GLUD1: variants seen among roughly 807,000 people sequenced by gnomAD.
GLUD1 encodes the protein glutamate dehydrogenase 1.
In GLUD1, 22 loss-of-function variants were observed where a neutral mutation model predicts 56.0. The observed-to-expected ratio is 0.39, with a 90% CI of 0.28 to 0.56. The LOEUF is 0.56. Ranked by LOEUF, GLUD1 falls within the 20% of genes least tolerant of loss-of-function variation. GLUD1 has a pLI of 0.58. For missense variants in GLUD1, 451 were observed against 732.0 expected, an observed-to-expected ratio of 0.62 and a Z score of 4.43; for synonymous variants, 223 against 269.9, an observed-to-expected ratio of 0.83 and a Z score of 1.70.
At chr10:87,074,685 T>C in intron 3 of GLUD1, 71 bp from the exon 4 acceptor site, 1 of 848,618 alleles carries the variant, frequency 1.2e-6, no homozygotes, top group Non-Finnish European at 2.1e-6. Flanking sequence ...AGCTAGCATC[T>C]TATTTTCTAT....
chr10:87,081,209 C>G (rs1285039827), intron 1 of GLUD1, among the ~76,000 whole-genome samples: 3 of 148,018 alleles, frequency 2.0e-5, no homozygotes, highest in African/African-American at 7.5e-5. Context: ...GGGTCAGCCC[C>G]CCGCCCGGCC....
chr10:87,083,219 T>TAAAA (rs11431413), intron 1 of GLUD1, among the ~76,000 whole-genome samples: 2 of 134,596 alleles, frequency 1.5e-5, no homozygotes, highest in Admixed American at 7.3e-5. Flanking sequence ...TCAAAAAAAT[T>TAAAA]AAAAAAAAAA....
intron 4 of GLUD1, among the ~76,000 whole-genome samples, chr10:87,071,939 G>C (rs1167619624): frequency 6.6e-6 from 1 of 152,190 alleles, no homozygotes; most frequent in African/African-American, 2.4e-5. Context: ...TAAATGGAAA[G>C]ACATCTCATA....
chr10:87,053,242 G>T, intron 12 of GLUD1, 100 bp downstream of exon 12: 1 of 805,012 alleles, frequency 1.2e-6, no homozygotes, highest in Non-Finnish European at 2.2e-6. Flanking sequence ...TGAACAGATT[G>T]ATGTTTTCTA....
intron 4 of GLUD1, among the ~76,000 whole-genome samples, chr10:87,069,553 A>C (rs1341832336): frequency 3.4e-5 from 4 of 117,682 alleles, no homozygotes; most frequent in Non-Finnish European, 6.8e-5. Flanking sequence ...TTAAACTATT[A>C]TGTCTCCCCA....
At chr10:87,066,103 C>T (rs982341272) in intron 5 of GLUD1, among the ~76,000 whole-genome samples, 5 of 152,208 alleles carry the variant, frequency 3.3e-5, no homozygotes, top group African/African-American at 1.2e-4. Flanking sequence ...ATCTCTTGCA[C>T]CGGTAAATCT....
intron 1 of GLUD1, among the ~76,000 whole-genome samples, chr10:87,081,779 T>C (rs1841261751): frequency 6.6e-6 from 1 of 151,358 alleles, no homozygotes; most frequent in South Asian, 2.1e-4. Flanking sequence ...CACCACTCCC[T>C]AATCTCAAGT....
At chr10:87,062,513 ATATC>A (rs1280691010) in intron 6 of GLUD1, 139 bp downstream of exon 6, 2 of 713,936 alleles carry the variant, frequency 2.8e-6, no homozygotes, top group East Asian at 2.7e-5. Context: ...AAAAAACAAA[ATATC>A]TATTACTCTG....
intron 8 of GLUD1, 32 bp from the exon 9 acceptor site, chr10:87,060,273 G>A (rs368113183): frequency 6.6e-5 from 92 of 1,394,948 alleles, no homozygotes; most frequent in South Asian, 1.7e-4. Flanking sequence ...AGAGAAATGC[G>A]AACACCACCG....
chr10:87,074,487 C>CAAAA, intron 4 of GLUD1, 64 bp downstream of exon 4: 1 of 762,006 alleles, frequency 1.3e-6, no homozygotes, highest in Non-Finnish European at 2.2e-6. Flanking sequence ...GACTCCGTCT[C>CAAAA]AAAAAAAAAA....
chr10:87,053,675 T>C (rs1589350187), intron 11 of GLUD1, among the ~76,000 whole-genome samples: 1 of 152,318 alleles, frequency 6.6e-6, no homozygotes, highest in African/African-American at 2.4e-5. Flanking sequence ...AAGACAGTTT[T>C]TGGACCTAGA....
At chr10:87,059,894 T>G (rs1308661715) in intron 9 of GLUD1, among the ~76,000 whole-genome samples, 2 of 152,216 alleles carry the variant, frequency 1.3e-5, no homozygotes, top group Non-Finnish European at 2.9e-5. Context: ...AGAATAGTGT[T>G]TCTAACACAG....
intron 1 of GLUD1, among the ~76,000 whole-genome samples, chr10:87,078,591 T>A (rs1358872599): frequency 2.0e-5 from 3 of 152,240 alleles, no homozygotes; most frequent in African/African-American, 7.2e-5. Flanking sequence ...CATGCCGAAT[T>A]AATATACGAA....
At chr10:87,090,320 A>T (rs924800362) in intron 1 of GLUD1, among the ~76,000 whole-genome samples, 1 of 152,208 alleles carries the variant, frequency 6.6e-6, no homozygotes, top group Non-Finnish European at 1.5e-5. Context: ...TACAAGTTGT[A>T]CTGAACTTTA....
rs569506949 is a variant in GLUD1, at chr10:87,071,972, T to C, written c.646+2579A>G. On this transcript the variant is annotated intron_variant, in intron 4 of 12. Transcript: ENST00000277865. ...ATATTCAGCATTGGAAGGCTTAATA[T>C]GGTTAAGATGGCAATACTGGTCAGG... Among the ~76,000 whole-genome samples, 3 of 152,322 alleles carry C rather than the reference T, an allele frequency of 2.0e-5. No individual in the cohort carries two copies. In the East Asian group the frequency reaches 5.8e-4, roughly 29 times the overall value.
chr10:87,086,569 A>G (rs1052116458), intron 1 of GLUD1, among the ~76,000 whole-genome samples: 2 of 152,060 alleles, frequency 1.3e-5, no homozygotes, highest in South Asian at 2.1e-4. Context: ...CACGCCTGTA[A>G]TCCCAGCACT....
chr10:87,061,168 T>G, intron 6 of GLUD1, 116 bp from the exon 7 acceptor site: 1 of 1,044,230 alleles, frequency 9.6e-7, no homozygotes, highest in South Asian at 1.3e-5. Flanking sequence ...TTCTCAAAAT[T>G]CTTTTGCCAA....
intron 1 of GLUD1, among the ~76,000 whole-genome samples, chr10:87,088,098 A>G (rs1168136996): frequency 6.6e-6 from 1 of 151,812 alleles, no homozygotes; most frequent in Non-Finnish European, 1.5e-5. Flanking sequence ...AAAACAAACA[A>G]AAAAACAAAT....
intron 9 of GLUD1, 22 bp downstream of exon 9, chr10:87,060,139 C>T (rs1354292992): frequency 7.1e-7 from 1 of 1,408,864 alleles, no homozygotes; most frequent in East Asian, 2.3e-5. Flanking sequence ...CATATAAAGC[C>T]TAATAAATAT....
Sources: allele counts gnomAD v4.1 joint callset (sites outside exome capture counted in the v4.1 genomes callset), GRCh38; gene constraint gnomAD v4.1.1; transcripts MANE v1.5; gene names NCBI Gene and HGNC (gene_info 2026-07-23, HGNC 2026-07-21).